Variants in IL1R2 observed in about 807,000 individuals in gnomAD.
The protein encoded by IL1R2 is interleukin-1 receptor type 2.
IL1R2 carries 46 observed loss-of-function variants against 39.5 expected under a neutral mutation model. The ratio of observed to expected loss-of-function variants is 1.16; its 90% CI spans 0.92 to 1.49. The LOEUF is 1.49. Ranked by LOEUF, IL1R2 falls within the 40% of genes most tolerant of loss-of-function variation. The pLI, the probability that IL1R2 is intolerant of heterozygous loss-of-function variation, is 0.00. For missense variants in IL1R2, 537 were observed against 502.0 expected (o/e 1.07, Z -0.67); for synonymous variants, 207 against 189.6 (o/e 1.09, Z -0.75).
chr2:102,004,356 C>G (rs889702618), intron 1 of IL1R2, among the ~76,000 whole-genome samples: 4 of 151,756 alleles, frequency 2.6e-5, no homozygotes, highest in African/African-American at 7.3e-5. Context: ...TGTGCATCAG[C>G]TCTTTCTACC....
intron 5 of IL1R2, among the ~76,000 whole-genome samples, chr2:102,021,202 G>T (rs190986368): frequency 3.6e-4 from 54 of 152,094 alleles, no homozygotes; most frequent in African/African-American, 1.3e-3. Context: ...TTTCGTGGAA[G>T]TGAGGATGAT....
chr2:102,025,093 C>A (rs1677650739), intron 7 of IL1R2, among the ~76,000 whole-genome samples: 1 of 152,112 alleles, frequency 6.6e-6, no homozygotes, highest in African/African-American at 2.4e-5. Flanking sequence ...TGTGGGCTGC[C>A]ACAATCTCTA....
intron 3 of IL1R2, 64 bp downstream of exon 3, chr2:102,009,890 C>T: frequency 6.5e-7 from 1 of 1,539,804 alleles, no homozygotes; most frequent in Non-Finnish European, 8.9e-7. Context: ...TGAGGGTCTT[C>T]AGTCATGATC....
At chr2:102,022,135 C>T (rs1677437536) in intron 5 of IL1R2, 52 bp from the exon 6 acceptor site, 14 of 1,432,912 alleles carry the variant, frequency 9.8e-6, no homozygotes, top group East Asian at 4.5e-5. Flanking sequence ...TGAACCACAG[C>T]GTCAAATGAA....
Position 102,016,017 on chromosome 2 carries a change from G to T in IL1R2, c.479G>T (p.Arg160Leu), listed in dbSNP as rs143112573. The change falls in exon 4 of 9, where the codon CGT becomes CTT. Residue 160 changes from arginine to leucine, a missense_variant. Coordinates refer to ENST00000332549, the MANE Select transcript of IL1R2 (RefSeq NM_004633.4). Reference sequence around the variant, plus strand: ...TGCCCTGACCTGAGTGAATTCACCCGTGACAAAACTGACGTGAAGATTCAA... The same window carrying T: ...TGCCCTGACCTGAGTGAATTCACCCTTGACAAAACTGACGTGAAGATTCAA... ...LVCPDLSEFT[R>L]DKTDVKIQWY... The T allele has an allele frequency of 3.4e-5, 55 of 1,613,602 alleles. No homozygotes were observed. Among genetic ancestry groups the T allele is most frequent in the Non-Finnish European group, 4.7e-5 (55 of 1,179,844 alleles).
intron 7 of IL1R2, 122 bp from the exon 8 acceptor site, chr2:102,025,988 GA>G: frequency 1.4e-6 from 1 of 736,148 alleles, no homozygotes. Context: ...CTAACTTTAT[GA>G]AACTTGAAAA....
chr2:102,002,463 CTGTCTGTGTCTGTGTCTG>C (rs72407418), intron 1 of IL1R2, among the ~76,000 whole-genome samples: 2 of 143,020 alleles, frequency 1.4e-5, no homozygotes, highest in South Asian at 4.6e-4. Context: ...GTCTATGTCT[CTGTCTGTGTCTGTGTCTG>C]TGTCTGTGTC....
At chr2:102,018,808 A>G (rs1228610665) in intron 4 of IL1R2, among the ~76,000 whole-genome samples, 2 of 152,100 alleles carry the variant, frequency 1.3e-5, no homozygotes, top group East Asian at 3.8e-4. Context: ...TCTATTTGGC[A>G]TTTTTCATAT....
At chr2:102,012,359 G>T (rs1448360865) in intron 3 of IL1R2, among the ~76,000 whole-genome samples, 1 of 152,170 alleles carries the variant, frequency 6.6e-6, no homozygotes, top group East Asian at 1.9e-4. Context: ...GACTTAAGAA[G>T]GACTGTACCC....
chr2:102,023,324 C>T (rs995199247), intron 6 of IL1R2: 1 of 152,416 alleles, frequency 6.6e-6, no homozygotes, highest in East Asian at 1.9e-4. Context: ...GGAACAACCA[C>T]CTGGAAATCT....
At chr2:101,994,414 C>T (rs779657458) in intron 1 of IL1R2, among the ~76,000 whole-genome samples, 18 of 152,304 alleles carry the variant, frequency 1.2e-4, no homozygotes, top group Middle Eastern at 3.4e-3. Flanking sequence ...GTTTTCATTA[C>T]GGCTTTCCAT....
At chr2:102,019,547 A>G (rs1284101429) in intron 4 of IL1R2, 91 bp from the exon 5 acceptor site, 2 of 938,960 alleles carry the variant, frequency 2.1e-6, no homozygotes, top group Non-Finnish European at 3.2e-6. Context: ...TGGATTGCAA[A>G]TCCCACATTG....
chr2:102,015,792 G>A (rs1676958444), intron 3 of IL1R2, 79 bp from the exon 4 acceptor site: 3 of 1,128,176 alleles, frequency 2.7e-6, no homozygotes, highest in Admixed American at 1.9e-5. Context: ...TAATAGAGTT[G>A]GGGAAATGAT....
Position 102,009,643 on chromosome 2 carries a change from G to GCC in IL1R2, c.153_154dup (p.Gln52ProfsTer17). 6.2e-7 allele frequency: 1 copy of GCC among 1,614,152 alleles called. No individual in the cohort carries two copies. Among genetic ancestry groups the GCC allele is most frequent in the Non-Finnish European group, 8.5e-7 (1 of 1,180,018 alleles). On this transcript the variant is annotated frameshift_variant, in exon 3 of 9. Coordinates refer to ENST00000332549, the MANE Select transcript of IL1R2 (RefSeq NM_004633.4). LOFTEE classifies it high-confidence loss of function. Reference sequence around the variant, plus strand: ...GAAGGGGAGCCTGTAGCCCTGAGGTGCCCCCAGGTGCCCTACTGGTTGTGG... The same window carrying GCC: ...GAAGGGGAGCCTGTAGCCCTGAGGTGCCCCCCCAGGTGCCCTACTGGTTGTGG...
intron 3 of IL1R2, chr2:102,010,050 C>T (rs1577703730): frequency 1.7e-6 from 1 of 572,698 alleles, no homozygotes; most frequent in Non-Finnish European, 3.1e-6. Flanking sequence ...GACAACGTCC[C>T]TAGCCATTTT....
chr2:102,025,602 T>C (rs963913210), intron 7 of IL1R2, among the ~76,000 whole-genome samples: 3 of 152,210 alleles, frequency 2.0e-5, no homozygotes, highest in Non-Finnish European at 2.9e-5. Flanking sequence ...TCTAACACTA[T>C]AAATGGCAGC....
At chr2:102,016,407 T>G in intron 4 of IL1R2, 1 of 181,052 alleles carries the variant, frequency 5.5e-6, no homozygotes, top group Non-Finnish European at 1.2e-5. Context: ...GAAATTTCTA[T>G]TGCCTAGTGA....
chr2:102,010,393 G>A (rs538295593), intron 3 of IL1R2, among the ~76,000 whole-genome samples: 67 of 152,208 alleles, frequency 4.4e-4, no homozygotes, highest in Admixed American at 4.6e-4. Context: ...CTAACACAGT[G>A]AAACCCCGTC....
Position 102,026,092 on chromosome 2 carries a change from G to C in IL1R2, c.888-19G>C. 1 of 1,570,320 alleles carries C rather than the reference G, an allele frequency of 6.4e-7. No individual in the cohort carries two copies. The highest frequency in any genetic ancestry group is 8.7e-7 in the Non-Finnish European group (1 of 1,146,964). On this transcript the variant is annotated intron_variant, in intron 7 of 8. Coordinates refer to ENST00000332549, the MANE Select transcript of IL1R2 (RefSeq NM_004633.4). The stretch of plus-strand genomic sequence containing the variant: ...GCATTCGATACAATCATAATTAAGT[G>C]AATGTTTTTTTAACTCAGGGAATAT...
Sources: allele counts gnomAD v4.1 joint callset (sites outside exome capture counted in the v4.1 genomes callset), GRCh38; gene constraint gnomAD v4.1.1; transcripts MANE v1.5; gene names NCBI Gene and HGNC (gene_info 2026-07-23, HGNC 2026-07-21).